Variants in FANCA observed in about 807,000 individuals in gnomAD.
FANCA encodes FA complementation group A.
A neutral mutation model predicts 194.3 loss-of-function variants in FANCA; 236 were observed. The ratio of observed to expected loss-of-function variants is 1.21; its 90% CI spans 1.09 to 1.35. The LOEUF (loss-of-function observed/expected upper bound fraction) is 1.35. Among genes scored for constraint, FANCA ranks in the 40% most tolerant of loss-of-function variants. The probability of loss-of-function intolerance (pLI) is 0.00; values close to 1 mark genes in which losing one functional copy is unlikely to be tolerated. For synonymous variants in FANCA, 1,014 were observed against 715.8 expected, an observed-to-expected ratio of 1.42 and a Z score of -6.65; for missense variants, 2,628 against 1,813.9, an observed-to-expected ratio of 1.45 and a Z score of -8.15.
In FANCA at chr16:89,815,920, C is replaced by T. The variant is rs766611067; in HGVS notation, c.146G>A (p.Arg49His). The T allele has an allele frequency of 1.2e-6, 2 of 1,614,126 alleles. No homozygotes were observed. Among genetic ancestry groups the T allele is most frequent in the Admixed American group, 1.7e-5 (1 of 60,020 alleles). Residue 49 changes from arginine (R) to histidine (H), a missense_variant, in exon 2 of 43, where the codon CGC becomes CAC. Arg to His is a conservative substitution (Grantham distance 29, BLOSUM62 0). Coordinates refer to ENST00000389301, the MANE Select transcript of FANCA (RefSeq NM_000135.4). ...RAQKLKESAV[R>H]LLRSHQDLNA... ...CAGGTCCTGATGGCTTCGCAGGAGG[C>T]GCACAGCTGATTCCTTTAATTTCTG... is the stretch of plus-strand genomic sequence containing the variant.
At position 89,773,282 on chromosome 16, in the gene FANCA, C is replaced by A. The variant is rs182288490; in HGVS notation, c.2003G>T (p.Ser668Ile). ...CCATCCATCCTCACCATCACGCTGG[C>A]TGGGGTCTGTCATGGAGGCTCTCAG... is the stretch of plus-strand genomic sequence containing the variant. The part of the protein sequence containing the change: ...GELRASMTDP[S>I]QRDVISAQVA... Residue 668 changes from serine (S) to isoleucine (I), a missense_variant, in exon 22 of 43, where the codon AGC (serine) becomes ATC (isoleucine). Coordinates refer to ENST00000389301, the MANE Select transcript of FANCA (RefSeq NM_000135.4). The A allele has an allele frequency of 3.2e-6, 5 of 1,550,610 alleles. No individual in the cohort carries two copies. Among genetic ancestry groups the A allele is most frequent in the East Asian group, 4.9e-5 (2 of 40,926 alleles).
chr16:89,774,729 C>CA (rs780078944), intron 21 of FANCA, among the ~76,000 whole-genome samples: 5,938 of 22,092 alleles, frequency 0.27, 1,486 homozygotes, highest in South Asian at 0.41. Flanking sequence ...GACTCTGTCT[C>CA]AAAAAAAAAA....
At chr16:89,788,478 G>A (rs2039966392) in intron 14 of FANCA, among the ~76,000 whole-genome samples, 1 of 151,772 alleles carries the variant, frequency 6.6e-6, no homozygotes, top group Middle Eastern at 3.4e-3. Flanking sequence ...TTCAAACACT[G>A]AATATGCATA....
At chr16:89,813,430 A>G (rs1394216879) in intron 3 of FANCA, among the ~76,000 whole-genome samples, 1 of 148,430 alleles carries the variant, frequency 6.7e-6, no homozygotes, top group Non-Finnish European at 1.5e-5. Context: ...AAAAAAGTAG[A>G]CAATGCCATT....
At chr16:89,750,128 C>T (rs767240896) in intron 31 of FANCA, among the ~76,000 whole-genome samples, 1 of 152,082 alleles carries the variant, frequency 6.6e-6, no homozygotes, top group Non-Finnish European at 1.5e-5. Flanking sequence ...TTTGGGAGGC[C>T]GAGGCAGGCA....
intron 29 of FANCA, 113 bp from the exon 30 acceptor site, chr16:89,758,818 T>A: frequency 6.5e-7 from 1 of 1,543,994 alleles, no homozygotes; most frequent in Non-Finnish European, 8.8e-7. Context: ...GAGAGCTGGG[T>A]TGAGACTGGC....
intron 14 of FANCA, among the ~76,000 whole-genome samples, chr16:89,790,375 TA>T (rs1360681564): frequency 6.7e-6 from 1 of 149,244 alleles, no homozygotes; most frequent in African/African-American, 2.5e-5. Context: ...GTATGAGTGA[TA>T]GAATGAGACT....
At chr16:89,802,548 C>G (rs1206673857) in intron 8 of FANCA, among the ~76,000 whole-genome samples, 1 of 152,056 alleles carries the variant, frequency 6.6e-6, no homozygotes, top group African/African-American at 2.4e-5. Context: ...TCCACAGGTG[C>G]CTGCCACCAG....
chr16:89,760,885 G>C lies in FANCA; in HGVS notation c.2852+1064C>G, dbSNP rs74033860. On this transcript the variant is annotated intron_variant, in intron 29 of 42. Coordinates refer to ENST00000389301, the MANE Select transcript of FANCA (RefSeq NM_000135.4). ...AATCCACTTCTGTATCTACCTGTGTGTTGCCAGGGCCTGGACACAGGTGTA... is the reference window on the plus strand; with the variant it reads ...AATCCACTTCTGTATCTACCTGTGTCTTGCCAGGGCCTGGACACAGGTGTA... 5.6e-3 allele frequency among the ~76,000 whole-genome samples: 855 copies of C among 152,202 alleles called. 6 individuals are homozygous for C. Among genetic ancestry groups the C allele is most frequent in the African/African-American group, 0.02 (825 of 41,534 alleles).
chr16:89,749,619 C>T (rs1429990945), intron 32 of FANCA, 111 bp downstream of exon 32: 17 of 1,365,794 alleles, frequency 1.2e-5, no homozygotes, highest in East Asian at 2.5e-5. Context: ...TGGGGACACA[C>T]AGACAAGTAA....
chr16:89,769,776 C>A, intron 26 of FANCA, 61 bp downstream of exon 26: 1 of 1,572,704 alleles, frequency 6.4e-7, no homozygotes, highest in Non-Finnish European at 8.7e-7. Context: ...TTTTATCAAA[C>A]GAGCATGTGT....
In FANCA at chr16:89,810,756, T is replaced by G; in HGVS notation, c.473A>C (p.His158Pro). 1.2e-6 allele frequency: 2 copies of G among 1,613,650 alleles called. 1 individual carries two copies. Among genetic ancestry groups the G allele is most frequent in the Non-Finnish European group, 1.7e-6 (2 of 1,179,512 alleles). ...GAAGGAAAGACGGGAGAACATACTG[T>G]GTGCCAATAAATACTGAGCAAACTC... ...LLEFAQYLLAHSMFSRLSFCQ... is the reference protein window; with the variant it reads ...LLEFAQYLLAPSMFSRLSFCQ... Residue 158 changes from histidine (H) to proline (P), a missense_variant, in exon 5 of 43, where the codon CAC (histidine) becomes CCC (proline). Physicochemically the swap from His to Pro is moderately conservative, Grantham distance 77. Transcript: ENST00000389301.
intron 3 of FANCA, among the ~76,000 whole-genome samples, chr16:89,813,814 G>GTC (rs1258636132): frequency 1.3e-5 from 2 of 151,754 alleles, no homozygotes; most frequent in Admixed American, 1.3e-4. Flanking sequence ...TACTGTGTGT[G>GTC]TGTGTGTGTG....
intron 29 of FANCA, among the ~76,000 whole-genome samples, chr16:89,761,291 C>A (rs1009772295): frequency 7.2e-5 from 11 of 151,826 alleles, no homozygotes; most frequent in African/African-American, 2.7e-4. Context: ...TGGTGGCGGG[C>A]GCCTGTAGTC....
chr16:89,791,925 A>C lies in FANCA; in HGVS notation c.1225+2T>G, dbSNP rs746514288. 1.2e-6 allele frequency: 2 copies of C among 1,614,096 alleles called. No individual in the cohort carries two copies. Among genetic ancestry groups the C allele is most frequent in the Non-Finnish European group, 1.7e-6 (2 of 1,180,014 alleles). On this transcript the variant is annotated splice_donor_variant, in intron 13 of 42. Coordinates refer to ENST00000389301, the MANE Select transcript of FANCA (RefSeq NM_000135.4). LOFTEE classifies it high-confidence loss of function. ...CACCACCGGGCTCGCGTAAAAGCTC[A>C]CCTTCAAGCAGCTGCTGCGCTTCTG...
At position 89,758,663 on chromosome 16, in the gene FANCA, A is replaced by G. The variant is rs1406815009; in HGVS notation, c.2895T>C (p.Pro965=). 6.2e-7 allele frequency: 1 copy of G among 1,613,872 alleles called. No individual in the cohort carries two copies. The highest frequency in any genetic ancestry group is 1.7e-5 in the Admixed American group (1 of 59,986). Reference sequence around the variant, plus strand: ...CACAGCCCCCTGAAGCCGAGGACTCAGGGAGAAAGTGCTCATGGATCGCCC... The same window carrying G: ...CACAGCCCCCTGAAGCCGAGGACTCGGGGAGAAAGTGCTCATGGATCGCCC... ...HQWAIHEHFL[P]ESSASGGCDG... Residue 965 remains proline, a synonymous_variant, in exon 30 of 43, where the codon CCT becomes CCC. Coordinates refer to ENST00000389301, the MANE Select transcript of FANCA (RefSeq NM_000135.4).
chr16:89,816,481 C>A (rs1381286993), intron 1 of FANCA, 56 bp downstream of exon 1: 3 of 1,416,646 alleles, frequency 2.1e-6, no homozygotes, highest in East Asian at 3.0e-5. Context: ...GGGGAACCGG[C>A]GAAACCGTCC....
At chr16:89,805,585 A>C (rs1486212587) in intron 6 of FANCA, among the ~76,000 whole-genome samples, 193 bp from the exon 7 acceptor site, 3 of 151,962 alleles carry the variant, frequency 2.0e-5, no homozygotes, top group African/African-American at 7.3e-5. Context: ...CAGCCTCCTG[A>C]GTAGTTGGGA....
rs62704561 is a variant in FANCA, at chr16:89,737,928, T to C, written c.*673A>G. The C allele has an allele frequency of 0.018, 11,293 of 629,144 alleles. 567 individuals carry two copies. In the African/African-American group the frequency reaches 0.37, roughly 20 times the overall value. The allele number at this position is 629,144 out of a possible 1,614,324, so 39.0% of individuals were successfully genotyped here. On this transcript the variant is annotated 3_prime_UTR_variant, in exon 43 of 43. Transcript: ENST00000389301. ...GCAGTAAGTGTGAGTCAGGACCCCC[T>C]CCCAGGGCTGTGGCCCTCGCACCTT...
Sources: allele counts gnomAD v4.1 joint callset (sites outside exome capture counted in the v4.1 genomes callset), GRCh38; gene constraint gnomAD v4.1.1; transcripts MANE v1.5; gene names NCBI Gene and HGNC (gene_info 2026-07-23, HGNC 2026-07-21).